The following IMMP2L variants were observed in gnomAD, a reference collection of about 807,000 sequenced individuals.
IMMP2L encodes the protein inner mitochondrial membrane peptidase subunit 2.
IMMP2L carries 18 observed loss-of-function variants against 19.3 expected under a neutral mutation model. That is an observed-to-expected ratio of 0.93 (90% confidence interval 0.64 to 1.38). The LOEUF (loss-of-function observed/expected upper bound fraction) is 1.38. IMMP2L is among the 40% of genes most tolerant of loss of function. The pLI is 0.00. For synonymous variants in IMMP2L, 76 were observed against 73.0 expected (o/e 1.04, Z -0.21); for missense variants, 233 against 218.2 (o/e 1.07, Z -0.43).
At chr7:111,516,962 C>T (rs538147131) in intron 2 of IMMP2L, among the ~76,000 whole-genome samples, 1 of 152,170 alleles carries the variant, frequency 6.6e-6, no homozygotes, top group East Asian at 1.9e-4. Context: ...TACCAGGTAA[C>T]ATAAAACTCC....
At chr7:111,241,246 G>T (rs368937458) in intron 3 of IMMP2L, among the ~76,000 whole-genome samples, 1 of 151,808 alleles carries the variant, frequency 6.6e-6, no homozygotes, top group African/African-American at 2.4e-5. Flanking sequence ...GATGTGACTC[G>T]TTTGAGGAAT....
intron 5 of IMMP2L, among the ~76,000 whole-genome samples, chr7:110,859,849 T>G (rs933218623): frequency 3.3e-5 from 5 of 152,086 alleles, no homozygotes; most frequent in African/African-American, 4.8e-5. Context: ...TTTTTTTAGT[T>G]CTAAACCTAG....
intron 3 of IMMP2L, among the ~76,000 whole-genome samples, chr7:111,462,924 T>C (rs1191096565): frequency 1.3e-5 from 2 of 152,164 alleles, no homozygotes; most frequent in Non-Finnish European, 2.9e-5. Context: ...AACTTTTTCA[T>C]GACATATGGT....
chr7:110,977,814 A>T (rs74775580), intron 3 of IMMP2L, among the ~76,000 whole-genome samples: 2 of 151,974 alleles, frequency 1.3e-5, no homozygotes, highest in African/African-American at 4.8e-5. Flanking sequence ...TAGTACAGAT[A>T]GATTAAGCCA....
chr7:111,186,851 G>A (rs1808322057), intron 3 of IMMP2L, among the ~76,000 whole-genome samples: 1 of 151,906 alleles, frequency 6.6e-6, no homozygotes, highest in Non-Finnish European at 1.5e-5. Flanking sequence ...GACAGGATGA[G>A]ACAAAGGCAA....
chr7:110,947,169 C>G (rs1469503308), intron 4 of IMMP2L, among the ~76,000 whole-genome samples: 1 of 151,978 alleles, frequency 6.6e-6, no homozygotes, highest in African/African-American at 2.4e-5. Flanking sequence ...TTCATATTAG[C>G]AAAGATTAAA....
intron 3 of IMMP2L, among the ~76,000 whole-genome samples, chr7:111,403,917 G>A (rs1833688879): frequency 6.6e-6 from 1 of 152,008 alleles, no homozygotes; most frequent in African/African-American, 2.4e-5. Flanking sequence ...TCTTTTGAAA[G>A]GTTTGTGTTT....
chr7:111,446,000 G>A (rs536142685), intron 3 of IMMP2L, among the ~76,000 whole-genome samples: 33 of 151,708 alleles, frequency 2.2e-4, no homozygotes, highest in Middle Eastern at 6.8e-3. Flanking sequence ...TTTTCAGACC[G>A]GCTTAAGAAA....
At chr7:110,809,683 T>G (rs541714982) in intron 5 of IMMP2L, among the ~76,000 whole-genome samples, 7 of 152,150 alleles carry the variant, frequency 4.6e-5, no homozygotes, top group African/African-American at 1.4e-4. Context: ...TAGAAAATAG[T>G]GTTAAAATGA....
intron 3 of IMMP2L, among the ~76,000 whole-genome samples, chr7:111,096,009 TTC>T (rs1052530332): frequency 1.3e-5 from 2 of 151,994 alleles, no homozygotes; most frequent in African/African-American, 4.8e-5. Flanking sequence ...TTGGGCAAAT[TTC>T]TCTGTTTTTA....
chr7:111,237,690 TA>T (rs925787012), intron 3 of IMMP2L, among the ~76,000 whole-genome samples: 35 of 146,460 alleles, frequency 2.4e-4, no homozygotes, highest in Non-Finnish European at 3.5e-4. Flanking sequence ...TCTGTTTCTT[TA>T]AAAAAAAAAA....
chr7:110,752,365 T>C (rs1224661630), intron 5 of IMMP2L, among the ~76,000 whole-genome samples: 1 of 152,060 alleles, frequency 6.6e-6, no homozygotes, highest in East Asian at 1.9e-4. Context: ...CCAATGATCA[T>C]AGAATTTTTG....
At chr7:110,873,530 G>A (rs1808747233) in intron 5 of IMMP2L, among the ~76,000 whole-genome samples, 1 of 150,554 alleles carries the variant, frequency 6.6e-6, no homozygotes, top group Admixed American at 6.6e-5. Context: ...TTGGGAGGCT[G>A]AGGCGGGCGG....
chr7:111,038,703 T>A (rs947533419), intron 3 of IMMP2L, among the ~76,000 whole-genome samples: 1 of 152,168 alleles, frequency 6.6e-6, no homozygotes, highest in Non-Finnish European at 1.5e-5. Flanking sequence ...TGTTAAATAA[T>A]CTATGGAGAA....
At chr7:110,701,310 A>G (rs963682059) in intron 5 of IMMP2L, among the ~76,000 whole-genome samples, 6 of 152,214 alleles carry the variant, frequency 3.9e-5, no homozygotes, top group Non-Finnish European at 5.9e-5. Context: ...ACTTTTAGCA[A>G]TAATAGCTAG....
chr7:111,560,973 G>A (rs1053234689), intron 1 of IMMP2L, among the ~76,000 whole-genome samples: 1 of 152,162 alleles, frequency 6.6e-6, no homozygotes, highest in Non-Finnish European at 1.5e-5. Context: ...ATCCAAGAAT[G>A]CAGTTTTACT....
intron 5 of IMMP2L, among the ~76,000 whole-genome samples, chr7:110,773,859 T>C (rs1799198934): frequency 6.6e-6 from 1 of 150,464 alleles, no homozygotes; most frequent in Non-Finnish European, 1.5e-5. Context: ...TGTACTACTA[T>C]TCTTTAAACT....
At chr7:111,067,371 T>C (rs1794601649) in intron 3 of IMMP2L, among the ~76,000 whole-genome samples, 1 of 152,168 alleles carries the variant, frequency 6.6e-6, no homozygotes, top group East Asian at 1.9e-4. Flanking sequence ...ATGACATAAA[T>C]AGGCGTAACC....
intron 3 of IMMP2L, among the ~76,000 whole-genome samples, chr7:111,335,432 C>T (rs1826301508): frequency 6.6e-6 from 1 of 151,698 alleles, no homozygotes; most frequent in Non-Finnish European, 1.5e-5. Context: ...ATCTACAGCA[C>T]AAAGATGAAA....
Sources: allele counts gnomAD v4.1 joint callset (sites outside exome capture counted in the v4.1 genomes callset), GRCh38; gene constraint gnomAD v4.1.1; transcripts MANE v1.5; gene names NCBI Gene and HGNC (gene_info 2026-07-23, HGNC 2026-07-21).